The following N4BP2 variants were observed in gnomAD, a reference collection of about 807,000 sequenced individuals.
N4BP2 encodes the protein NEDD4-binding protein 2.
A neutral mutation model predicts 152.8 loss-of-function variants in N4BP2; 91 were observed. That is an observed-to-expected ratio of 0.60 (90% CI 0.50 to 0.71). The LOEUF (loss-of-function observed/expected upper bound fraction) is 0.71. N4BP2 is among the 30% of genes least tolerant of loss of function. The pLI, the probability that N4BP2 is intolerant of heterozygous loss-of-function variation, is 0.00. For synonymous variants in N4BP2, 646 were observed against 705.3 expected (o/e 0.92, Z 1.33); for missense variants, 1,923 against 2,059.1 (o/e 0.93, Z 1.28).
chr4:40,174,007 C>A, the N4BP2 span, among the ~76,000 whole-genome samples: 2 of 151,792 alleles, frequency 1.3e-5, no homozygotes, highest in African/African-American at 4.8e-5. Context: ...ACTAAAACTA[C>A]AAAAAAAGGT....
chr4:40,114,521 T>C (rs952891820), intron 7 of N4BP2, among the ~76,000 whole-genome samples: 1 of 152,228 alleles, frequency 6.6e-6, no homozygotes, highest in African/African-American at 2.4e-5. Context: ...AGCTTAATGT[T>C]TTTAAGGCTC....
chr4:40,125,677 G>C lies in N4BP2; in HGVS notation c.4331-457G>C, dbSNP rs1579087419. Among the ~76,000 whole-genome samples, 3 of 152,278 alleles carry C rather than the reference G, an allele frequency of 2.0e-5. No individual in the cohort carries two copies. The South Asian group carries it at 6.2e-4, about 32-fold the overall frequency. ...AAGGCGGGCGGATCACCTGAGGTCA[G>C]GAGTTCAAGACCAGCCTGGCCAACA... On this transcript the variant is annotated intron_variant, in intron 11 of 17. Coordinates refer to ENST00000261435, the MANE Select transcript of N4BP2 (RefSeq NM_018177.6).
chr4:40,133,524 C>G (rs1445749817), intron 13 of N4BP2, among the ~76,000 whole-genome samples: 1 of 151,854 alleles, frequency 6.6e-6, no homozygotes, highest in Non-Finnish European at 1.5e-5. Flanking sequence ...TTAGTAGAGA[C>G]AAGGTTTCAC....
At chr4:40,096,107 G>A (rs1212828709) in intron 2 of N4BP2, among the ~76,000 whole-genome samples, 1 of 152,162 alleles carries the variant, frequency 6.6e-6, no homozygotes, top group African/African-American at 2.4e-5. Context: ...TATTCAAGCA[G>A]AGAAAACAAG....
intron 3 of N4BP2, among the ~76,000 whole-genome samples, chr4:40,098,354 C>G (rs1218222921): frequency 6.6e-6 from 1 of 151,772 alleles, no homozygotes; most frequent in African/African-American, 2.4e-5. Context: ...CTTCATAGGA[C>G]TTTTTTTTGG....
chr4:40,168,309 C>G, the N4BP2 span, among the ~76,000 whole-genome samples: 2 of 151,924 alleles, frequency 1.3e-5, no homozygotes, highest in Non-Finnish European at 2.9e-5. Context: ...AAAAACAAAC[C>G]CAGTGAATAT....
chr4:40,139,818 A>ATTTTTTTTTTTTTT (rs1416299298), intron 14 of N4BP2, among the ~76,000 whole-genome samples: 1 of 97,068 alleles, frequency 1.0e-5, no homozygotes, highest in African/African-American at 4.0e-5. Flanking sequence ...TTTTTTTTAC[A>ATTTTTTTTTTTTTT]TTTTTTTTTC....
the N4BP2 span, among the ~76,000 whole-genome samples, chr4:40,166,365 A>G: frequency 2.6e-5 from 4 of 152,146 alleles, no homozygotes; most frequent in African/African-American, 9.7e-5. Flanking sequence ...TTTTAAAACT[A>G]TATATATTAC....
intron 12 of N4BP2, 26 bp downstream of exon 12, chr4:40,126,356 T>TTC: frequency 8.6e-7 from 1 of 1,160,074 alleles, no homozygotes; most frequent in Non-Finnish European, 1.2e-6. Context: ...AATATTAAGC[T>TTC]ACTGTCTCTG....
rs982435838 is a variant in N4BP2, at chr4:40,119,823, T to A, written c.1821-109T>A. ...ATTTTAATGTAATTTATTTATAAAATTTTCAGAATAACTGTTAAGTGCCCT... is the reference window on the plus strand; with the variant it reads ...ATTTTAATGTAATTTATTTATAAAAATTTCAGAATAACTGTTAAGTGCCCT... On this transcript the variant is annotated intron_variant, in intron 8 of 17. Transcript: ENST00000261435. 7.7e-6 allele frequency: 4 copies of A among 522,850 alleles called. No individual in the cohort carries two copies. The Admixed American group carries it at 1.0e-4, about 14-fold the overall frequency. The allele number at this position is 522,850 out of a possible 1,614,324, so 32.4% of individuals were successfully genotyped here. A position where few individuals can be genotyped will look rare whatever the true frequency, so the allele number is the denominator to read the frequency against.
the N4BP2 span, among the ~76,000 whole-genome samples, chr4:40,185,011 G>C: frequency 6.6e-6 from 1 of 152,004 alleles, no homozygotes; most frequent in Non-Finnish European, 1.5e-5. Flanking sequence ...GGATTTTACT[G>C]TACAGATAGT....
intron 4 of N4BP2, among the ~76,000 whole-genome samples, chr4:40,104,696 C>T (rs1226488686): frequency 2.6e-5 from 4 of 151,892 alleles, no homozygotes; most frequent in Admixed American, 2.6e-4. Flanking sequence ...TCAGAGGCAG[C>T]TACAGTGTGG....
intron 2 of N4BP2, among the ~76,000 whole-genome samples, chr4:40,093,345 A>G (rs1375255513): frequency 6.6e-6 from 1 of 151,778 alleles, no homozygotes; most frequent in Non-Finnish European, 1.5e-5. Context: ...TTCATTTGAG[A>G]CTTCTTTTCT....
intron 2 of N4BP2, among the ~76,000 whole-genome samples, chr4:40,081,985 G>T (rs373180693): frequency 2.0e-5 from 3 of 152,224 alleles, no homozygotes; most frequent in African/African-American, 7.2e-5. Flanking sequence ...GGTGGCGCAT[G>T]CCTGTAATCC....
intron 11 of N4BP2, among the ~76,000 whole-genome samples, chr4:40,124,608 A>G (rs1718227700): frequency 6.6e-6 from 1 of 152,152 alleles, no homozygotes; most frequent in African/African-American, 2.4e-5. Context: ...TGGCCTCCCA[A>G]AGTCCTGGGG....
chr4:40,087,870 G>A (rs1243405863), intron 2 of N4BP2, among the ~76,000 whole-genome samples: 2 of 152,008 alleles, frequency 1.3e-5, no homozygotes, highest in Non-Finnish European at 2.9e-5. Context: ...AAGTAGCTGA[G>A]ATTACAGGCA....
intron 9 of N4BP2, 54 bp downstream of exon 9, chr4:40,122,363 G>A: frequency 8.0e-7 from 1 of 1,249,606 alleles, no homozygotes; most frequent in Non-Finnish European, 1.1e-6. Flanking sequence ...AGACTACAGA[G>A]GGTTCTATTT....
intron 2 of N4BP2, among the ~76,000 whole-genome samples, chr4:40,088,570 C>T (rs544931056): frequency 2.0e-5 from 3 of 151,554 alleles, no homozygotes; most frequent in Non-Finnish European, 2.9e-5. Flanking sequence ...TTGTGATCTC[C>T]GCTCACTGCA....
At chr4:40,181,734 G>A in the N4BP2 span, among the ~76,000 whole-genome samples, 2 of 152,220 alleles carry the variant, frequency 1.3e-5, no homozygotes, top group Non-Finnish European at 2.9e-5. Context: ...GATCACCTGA[G>A]GTCAGGAGTT....
Sources: gnomAD v4.1 joint callset for allele counts (sites outside exome capture counted in the v4.1 genomes callset) on GRCh38, gnomAD v4.1.1 for gene constraint, MANE v1.5 for transcripts, NCBI Gene and HGNC (gene_info 2026-07-23, HGNC 2026-07-21) for gene names.